Variants in TPR observed in about 807,000 individuals in gnomAD.
TPR encodes translocated promoter region, nuclear basket protein.
In TPR, 51 loss-of-function variants were observed where a neutral mutation model predicts 316.1. The ratio of observed to expected loss-of-function variants is 0.16; its 90% CI spans 0.13 to 0.20. The LOEUF is 0.20. TPR is among the 10% of genes least tolerant of loss of function. The pLI is 1.00. For synonymous variants in TPR, 981 were observed against 914.7 expected, an observed-to-expected ratio of 1.07 and a Z score of -1.31; for missense variants, 2,272 against 2,754.8, an observed-to-expected ratio of 0.82 and a Z score of 3.92.
rs906027981 is a variant in TPR at position 186,373,267 on chromosome 1, G to A, written c.256+92C>T. The stretch of plus-strand genomic sequence containing the variant: ...AATGATGCTTAATCAATATTTTCAT[G>A]TTTAGTAAGCAAATGTTTCCAAAGT... On this transcript the variant is annotated intron_variant, in intron 2 of 50. Transcript: ENST00000367478. 1.8e-4 allele frequency: 137 copies of A among 757,024 alleles called. 1 individual carries two copies. Among genetic ancestry groups the A allele is most frequent in the Non-Finnish European group, 2.6e-4 (126 of 492,678 alleles). 46.9% of individuals were successfully genotyped at this position (757,024 alleles called of 1,614,324 possible). A position where few individuals can be genotyped will look rare whatever the true frequency, so the allele number is the denominator to read the frequency against.
rs1310529061 is a variant in TPR, at chr1:186,360,288, C to T, written c.1176G>A (p.Gly392=). The part of the protein sequence containing the change: ...AAAVAKIVKP[G]MKLTELYNAY... The stretch of plus-strand genomic sequence containing the variant: ...CCATTCTTACCTCAGTTAGTTTCAT[C>T]CCAGGTTTCACTATCTTAGCTACAG... The change falls in exon 11 of 51, where the codon GGG becomes GGA. Residue 392 remains glycine (G), a synonymous_variant. Coordinates refer to ENST00000367478, the MANE Select transcript of TPR (RefSeq NM_003292.3). The T allele has an allele frequency of 1.2e-5, 20 of 1,613,230 alleles. No homozygotes were observed. Among genetic ancestry groups the T allele is most frequent in the Non-Finnish European group, 1.7e-5 (20 of 1,179,390 alleles).
At chr1:186,371,537 G>C (rs982994233) in intron 2 of TPR, among the ~76,000 whole-genome samples, 1 of 151,926 alleles carries the variant, frequency 6.6e-6, no homozygotes, top group Non-Finnish European at 1.5e-5. Context: ...GCTTGATAAC[G>C]CACTTATCAA....
intron 21 of TPR, among the ~76,000 whole-genome samples, chr1:186,348,904 A>G (rs939928909): frequency 6.6e-6 from 1 of 152,204 alleles, no homozygotes; most frequent in South Asian, 2.1e-4. Context: ...CATGATATCA[A>G]TAGGAAAGTA....
In TPR at chr1:186,312,127, T is replaced by C. The variant is rs373568605; in HGVS notation, c.*1844A>G. The C allele has an allele frequency of 6.5e-7, 1 of 1,541,162 alleles. No individual in the cohort carries two copies. Among genetic ancestry groups the C allele is most frequent in the African/African-American group, 1.4e-5 (1 of 73,096 alleles). Reference sequence around the variant, plus strand: ...AGTTGTTTTCCACCTTTTCTGAGGGTATTAAAATTAATTTTCATTTTCCAT... The same window carrying C: ...AGTTGTTTTCCACCTTTTCTGAGGGCATTAAAATTAATTTTCATTTTCCAT... On this transcript the variant is annotated 3_prime_UTR_variant, in exon 51 of 51. Coordinates refer to ENST00000367478, the MANE Select transcript of TPR (RefSeq NM_003292.3).
chr1:186,312,339 T>G lies in TPR; in HGVS notation c.*1632A>C, dbSNP rs757562982. 11 of 1,609,530 alleles carry G rather than the reference T, an allele frequency of 6.8e-6. No homozygotes were observed. In the South Asian group the frequency reaches 1.0e-4, roughly 15 times the overall value. ...TCAAACACACACCATCAGAATTCAATATTCACCTGCCAGACTGGCTTATCA... is the reference window on the plus strand; with the variant it reads ...TCAAACACACACCATCAGAATTCAAGATTCACCTGCCAGACTGGCTTATCA... On this transcript the variant is annotated 3_prime_UTR_variant, in exon 51 of 51. Transcript: ENST00000367478.
intron 3 of TPR, among the ~76,000 whole-genome samples, chr1:186,368,286 A>G (rs932411195): frequency 3.3e-5 from 5 of 152,196 alleles, no homozygotes; most frequent in African/African-American, 4.8e-5. Context: ...TTCAAGAAAG[A>G]TTCCTAAAAA....
chr1:186,362,248 T>C (rs1413753159), intron 7 of TPR, 40 bp downstream of exon 7: 2 of 1,514,590 alleles, frequency 1.3e-6, no homozygotes, highest in African/African-American at 1.4e-5. Context: ...GTAAGTGCTT[T>C]AGTATTTTGT....
At chr1:186,325,727 A>C (rs754172999) in intron 42 of TPR, 37 bp downstream of exon 42, 1 of 1,526,882 alleles carries the variant, frequency 6.5e-7, no homozygotes, top group African/African-American at 1.4e-5. Context: ...AAAATACCAG[A>C]GATATTCAAT....
At position 186,312,582 on chromosome 1, in the gene TPR, T is replaced by A. The variant is rs1413511125; in HGVS notation, c.*1389A>T. 1.3e-6 allele frequency: 1 copy of A among 785,024 alleles called. No homozygotes were observed. Among genetic ancestry groups the A allele is most frequent in the Non-Finnish European group, 2.0e-6 (1 of 499,712 alleles). The allele number at this position is 785,024 out of a possible 1,614,324, so 48.6% of individuals were successfully genotyped here. A position where few individuals can be genotyped will look rare whatever the true frequency, so the allele number is the denominator to read the frequency against. ...GGGTAAGTAAAGCAGTTTGTTCAGG[T>A]TTGTTAGTTATAACCAATACTATTT... On this transcript the variant is annotated 3_prime_UTR_variant, in exon 51 of 51. Transcript: ENST00000367478.
rs1461762957 is a variant in TPR at position 186,325,957 on chromosome 1, T to G, written c.6022-103A>C. Reference sequence around the variant, plus strand: ...CCAAACCACAACAAAAACAAATAAGTAACCATAACAACAAAAAACAAAACA... The same window carrying G: ...CCAAACCACAACAAAAACAAATAAGGAACCATAACAACAAAAAACAAAACA... On this transcript the variant is annotated intron_variant, in intron 41 of 50. Transcript: ENST00000367478. The G allele has an allele frequency of 9.0e-6, 14 of 1,551,416 alleles. No homozygotes were observed. In the Admixed American group the frequency reaches 2.5e-4, roughly 27 times the overall value.
chr1:186,323,245 A>G (rs1450447340), intron 43 of TPR, among the ~76,000 whole-genome samples: 3 of 152,214 alleles, frequency 2.0e-5, no homozygotes, highest in Non-Finnish European at 4.4e-5. Context: ...TTAAACTTAA[A>G]AGTTAAAATA....
chr1:186,346,110 A>G, intron 23 of TPR, 25 bp downstream of exon 23: 1 of 1,560,482 alleles, frequency 6.4e-7, no homozygotes, highest in East Asian at 2.3e-5. Context: ...GTTAAAAAAA[A>G]AATTAATACG....
chr1:186,343,419 A>T lies in TPR; in HGVS notation c.3657T>A (p.Val1219=). Residue 1219 remains valine (V), a synonymous_variant, in exon 27 of 51, where the codon GTT becomes GTA. Transcript: ENST00000367478. ...IAETRFEVAQ[V]ESLRYRQRVE... ...CCCTTTGTCGATAACGCAGACTCTC[A>T]ACCTGAGCCACCTCAAACCTAGTTT... The T allele has an allele frequency of 6.2e-7, 1 of 1,613,944 alleles. No homozygotes were observed. The highest frequency in any genetic ancestry group is 8.5e-7 in the Non-Finnish European group (1 of 1,179,864).
In TPR at chr1:186,333,207, A is replaced by G. The variant is rs1179162764; in HGVS notation, c.5370T>C (p.Asn1790=). ...QQSHPQIEPA[N]QELSSNIVEV... is the part of the protein sequence containing the mutation. Reference sequence around the variant, plus strand: ...CTACTATGTTTGAAGATAACTCTTGATTGGCAGGCTCAATCTGAGGATGAC... The same window carrying G: ...CTACTATGTTTGAAGATAACTCTTGGTTGGCAGGCTCAATCTGAGGATGAC... Residue 1790 remains asparagine (N), a synonymous_variant, in exon 37 of 51, where the codon AAT becomes AAC. Transcript: ENST00000367478. The G allele has an allele frequency of 2.5e-6, 4 of 1,613,666 alleles. No homozygotes were observed. The highest frequency in any genetic ancestry group is 3.4e-6 in the Non-Finnish European group (4 of 1,179,710).
Position 186,346,150 on chromosome 1 carries a change from C to T in TPR, c.3081G>A (p.Glu1027=), listed in dbSNP as rs1458180288. Reference sequence around the variant, plus strand: ...ACCTATTTACCTGTTGTTCCATGCTCTCTATGGCTCTTCTTTTATCATCCT... The same window carrying T: ...ACCTATTTACCTGTTGTTCCATGCTTTCTATGGCTCTTCTTTTATCATCCT... ...ELQDDKRRAI[E]SMEQQLSELK... Residue 1027 remains glutamate, a synonymous_variant, in exon 23 of 51, where the codon GAG becomes GAA. Transcript: ENST00000367478. 2 of 1,612,036 alleles carry T rather than the reference C, an allele frequency of 1.2e-6. No individual in the cohort carries two copies. Among genetic ancestry groups the T allele is most frequent in the East Asian group, 2.2e-5 (1 of 44,750 alleles).
chr1:186,322,920 A>T (rs1259131956), intron 43 of TPR, among the ~76,000 whole-genome samples: 1 of 152,190 alleles, frequency 6.6e-6, no homozygotes, highest in Non-Finnish European at 1.5e-5. Context: ...ATTCTTTTGG[A>T]GTTCAAACAG....
chr1:186,352,261 G>T, intron 18 of TPR, 151 bp from the exon 19 acceptor site: 1 of 650,060 alleles, frequency 1.5e-6, no homozygotes, highest in Non-Finnish European at 2.2e-6. Context: ...ATACAAAACA[G>T]TTTCATGTGC....
At chr1:186,349,532 C>T (rs1658788869) in intron 21 of TPR, among the ~76,000 whole-genome samples, 1 of 151,358 alleles carries the variant, frequency 6.6e-6, no homozygotes, top group African/African-American at 2.4e-5. Flanking sequence ...TTGTGGCGGC[C>T]GCCTGTAGTC....
intron 24 of TPR, 87 bp downstream of exon 24, chr1:186,345,493 G>A (rs1427745468): frequency 3.3e-5 from 35 of 1,047,652 alleles, no homozygotes; most frequent in Middle Eastern, 2.1e-4. Flanking sequence ...TTTTTGTAAG[G>A]TCCACCAGTT....
Sources: gnomAD v4.1 joint callset for allele counts (sites outside exome capture counted in the v4.1 genomes callset) on GRCh38, gnomAD v4.1.1 for gene constraint, MANE v1.5 for transcripts, NCBI Gene and HGNC (gene_info 2026-07-23, HGNC 2026-07-21) for gene names.